The following CAP1 variants were observed in gnomAD, a reference collection of about 807,000 sequenced individuals.
CAP1 encodes cyclase associated actin cytoskeleton regulatory protein 1, also known as adenylyl cyclase-associated protein 1.
A neutral mutation model predicts 58.2 loss-of-function variants in CAP1; 11 were observed. The ratio of observed to expected loss-of-function variants is 0.19; its 90% CI spans 0.12 to 0.31. CAP1 has a LOEUF of 0.31. Ranked by LOEUF, CAP1 falls within the 10% of genes least tolerant of loss-of-function variation. The pLI is 1.00. For synonymous variants in CAP1, 183 were observed against 213.8 expected, an observed-to-expected ratio of 0.86 and a Z score of 1.26; for missense variants, 423 against 587.5, an observed-to-expected ratio of 0.72 and a Z score of 2.89.
chr1:40,043,511 G>A (rs186209356), intron 1 of CAP1, among the ~76,000 whole-genome samples: 8 of 152,240 alleles, frequency 5.3e-5, no homozygotes, highest in African/African-American at 1.9e-4. Context: ...GGCTTTTAAT[G>A]CCTTGTTGAA....
intron 1 of CAP1, among the ~76,000 whole-genome samples, chr1:40,048,308 G>T (rs569881252): frequency 6.6e-6 from 1 of 151,878 alleles, no homozygotes; most frequent in Admixed American, 6.6e-5. Flanking sequence ...CTCCCAAAGC[G>T]CTGGGATTAC....
At chr1:40,057,823 A>G (rs982817431) in intron 1 of CAP1, among the ~76,000 whole-genome samples, 7 of 152,180 alleles carry the variant, frequency 4.6e-5, no homozygotes, top group African/African-American at 1.2e-4. Context: ...GTGAAATGGA[A>G]TCTTTCCAAG....
chr1:40,044,751 C>T (rs1194447867), intron 1 of CAP1, among the ~76,000 whole-genome samples: 7 of 147,766 alleles, frequency 4.7e-5, no homozygotes, highest in African/African-American at 1.5e-4. Context: ...CAGGGTTTCT[C>T]AACGTTGGCA....
Position 40,043,010 on chromosome 1 carries a change from G to A in CAP1, c.-11+2209G>A, listed in dbSNP as rs530125664. The stretch of plus-strand genomic sequence containing the variant: ...AAAAAATGCATTTTGAATGTTTTTA[G>A]TTTGAGGTGTTTGTAGCACATCCAG... On this transcript the variant is annotated intron_variant, in intron 1 of 12. Transcript: ENST00000372805. Among the ~76,000 whole-genome samples, 4 of 152,272 alleles carry A rather than the reference G, an allele frequency of 2.6e-5. No homozygotes were observed. The South Asian group carries it at 8.3e-4, about 32-fold the overall frequency.
In CAP1 at chr1:40,061,823, T is replaced by C. The variant is rs1646865484; in HGVS notation, c.294+11T>C. On this transcript the variant is annotated intron_variant, in intron 4 of 12. Transcript: ENST00000372805. ...CAACAGCCAGCAGAAGTAAGTTCAC[T>C]ACTAGCTGGTTTCATTTTGGTTTGA... The C allele has an allele frequency of 1.2e-6, 2 of 1,605,284 alleles. No homozygotes were observed. The highest frequency in any genetic ancestry group is 1.3e-5 in the African/African-American group (1 of 74,842).
In CAP1 at chr1:40,072,415, T is replaced by A. The variant is rs1353648601; in HGVS notation, c.*882T>A. ...AGCACCTGAACAGAGGACTGAAACC[T>A]CCACTGCAGGCTGGTTTTAGGTCTT... On this transcript the variant is annotated 3_prime_UTR_variant, in exon 13 of 13. Transcript: ENST00000372805. 5 of 233,522 alleles carry A rather than the reference T, an allele frequency of 2.1e-5. No homozygotes were observed. Among genetic ancestry groups the A allele is most frequent in the Non-Finnish European group, 3.3e-5 (4 of 122,064 alleles). The allele number at this position is 233,522 out of a possible 1,614,324, so 14.5% of individuals were successfully genotyped here.
chr1:40,069,783 C>G lies in CAP1; in HGVS notation c.902C>G (p.Ser301Cys). 6.2e-7 allele frequency: 1 copy of G among 1,613,054 alleles called. No homozygotes were observed. Among genetic ancestry groups the G allele is most frequent in the Non-Finnish European group, 8.5e-7 (1 of 1,179,598 alleles). ...GTACGCAGTGGCCCCAAACCATTCT[C>G]TGCACCTAAACCCCAAACCAGCCCA... is the stretch of plus-strand genomic sequence containing the variant. ...GPVRSGPKPF[S>C]APKPQTSPSP... The change falls in exon 9 of 13, where the codon TCT becomes TGT. Residue 301 changes from serine (S) to cysteine (C), a missense_variant. By Grantham distance (112) the Ser-to-Cys change is moderately radical. Coordinates refer to ENST00000372805, the MANE Select transcript of CAP1 (RefSeq NM_006367.4).
chr1:40,070,369 C>A, intron 10 of CAP1, 61 bp from the exon 11 acceptor site: 1 of 1,595,328 alleles, frequency 6.3e-7, no homozygotes, highest in Non-Finnish European at 8.5e-7. Context: ...CTTAAAGATT[C>A]CTAAATGTAT....
At chr1:40,049,778 GA>G (rs1300794625) in intron 1 of CAP1, among the ~76,000 whole-genome samples, 7 of 152,028 alleles carry the variant, frequency 4.6e-5, no homozygotes, top group African/African-American at 1.7e-4. Context: ...GCCCTAACTA[GA>G]ACATGCCACA....
At chr1:40,064,580 CTT>C in intron 6 of CAP1, 21 bp downstream of exon 6, 1 of 1,578,408 alleles carries the variant, frequency 6.3e-7, no homozygotes, top group Non-Finnish European at 8.7e-7. Context: ...CCTTTTCTCT[CTT>C]TTTTTCTTTT....
At chr1:40,070,665 C>G in intron 11 of CAP1, 153 bp downstream of exon 11, 2 of 911,424 alleles carry the variant, frequency 2.2e-6, no homozygotes, top group South Asian at 1.6e-5. Context: ...GTTGGCTCTT[C>G]AAGCAAGTTC....
At chr1:40,048,199 T>G (rs1251065948) in intron 1 of CAP1, among the ~76,000 whole-genome samples, 1 of 151,966 alleles carries the variant, frequency 6.6e-6, no homozygotes, top group Non-Finnish European at 1.5e-5. Context: ...CACGCCTGGC[T>G]AATTTTTTTA....
chr1:40,066,030 T>C lies in CAP1; in HGVS notation c.525-185T>C, dbSNP rs138363589. Reference sequence around the variant, plus strand: ...GTCTCTATCTTAGTGGAGTTTGGTCTGATTAGGGTAATAGACTAGGTTGTA... The same window carrying C: ...GTCTCTATCTTAGTGGAGTTTGGTCCGATTAGGGTAATAGACTAGGTTGTA... On this transcript the variant is annotated intron_variant, in intron 6 of 12. Coordinates refer to ENST00000372805, the MANE Select transcript of CAP1 (RefSeq NM_006367.4). Among the ~76,000 whole-genome samples the C allele has an allele frequency of 2.6e-4, 39 of 152,334 alleles. No homozygotes were observed. The East Asian group carries it at 4.8e-3, about 19-fold the overall frequency.
intron 8 of CAP1, among the ~76,000 whole-genome samples, chr1:40,068,316 C>T (rs1647201692): frequency 6.6e-6 from 1 of 152,154 alleles, no homozygotes; most frequent in East Asian, 1.9e-4. Flanking sequence ...CGTTTCCCAG[C>T]CTGGAGTGCA....
intron 1 of CAP1, among the ~76,000 whole-genome samples, chr1:40,046,568 T>A (rs1646116085): frequency 6.6e-6 from 1 of 152,206 alleles, no homozygotes; most frequent in Non-Finnish European, 1.5e-5. Context: ...CAGTCATGTG[T>A]TGCTTAATGA....
rs766731752 is a variant in CAP1, at chr1:40,069,714, T to G, written c.833T>G (p.Met278Arg). Residue 278 changes from methionine (M) to arginine (R), a missense_variant, in exon 9 of 13, where the codon ATG becomes AGG. Met to Arg is a moderately conservative substitution (Grantham distance 91). Coordinates refer to ENST00000372805, the MANE Select transcript of CAP1 (RefSeq NM_006367.4). ...GCCCTGAAACATGTATCTGATGACA[T>G]GAAGACTCACAAGAACCCTGCCCTG... Reference protein sequence around the residue: ...THALKHVSDDMKTHKNPALKA... With the variant: ...THALKHVSDDRKTHKNPALKA... 1 of 1,613,694 alleles carries G rather than the reference T, an allele frequency of 6.2e-7. No individual in the cohort carries two copies. The highest frequency in any genetic ancestry group is 8.5e-7 in the Non-Finnish European group (1 of 1,179,794).
chr1:40,069,024 A>C (rs1000166165), intron 8 of CAP1, among the ~76,000 whole-genome samples: 2 of 152,046 alleles, frequency 1.3e-5, no homozygotes, highest in African/African-American at 4.8e-5. Context: ...AGTAGAGACT[A>C]AAAATACACC....
chr1:40,050,080 A>G (rs1646286690), intron 1 of CAP1, among the ~76,000 whole-genome samples: 1 of 152,152 alleles, frequency 6.6e-6, no homozygotes, highest in African/African-American at 2.4e-5. Context: ...CGGGTTCTCC[A>G]TCACTGAAGG....
chr1:40,046,465 A>AAAAAC lies in CAP1; in HGVS notation c.-11+5679_-11+5683dup, dbSNP rs1240231124. Among the ~76,000 whole-genome samples, 5 of 74,814 alleles carry AAAAAC rather than the reference A, an allele frequency of 6.7e-5. No homozygotes were observed. In the East Asian group the frequency reaches 2.1e-3, roughly 32 times the overall value. The allele number at this position is 74,814 out of a possible 152,430, so 49.1% of individuals were successfully genotyped here. On this transcript the variant is annotated intron_variant, in intron 1 of 12. Coordinates refer to ENST00000372805, the MANE Select transcript of CAP1 (RefSeq NM_006367.4). Reference sequence around the variant, plus strand: ...GTGACAGAGCAAGACTCCGTCTCAAAAAAACAAAACAAAACAAAAAAAAAC... The same window carrying AAAAAC: ...GTGACAGAGCAAGACTCCGTCTCAAAAAAACAAAACAAAACAAAACAAAAAAAAAC...
Sources: allele counts gnomAD v4.1 joint callset (sites outside exome capture counted in the v4.1 genomes callset), GRCh38; gene constraint gnomAD v4.1.1; transcripts MANE v1.5; gene names NCBI Gene and HGNC (gene_info 2026-07-23, HGNC 2026-07-21).